HM13: variants seen among roughly 807,000 people sequenced by gnomAD.
HM13 encodes the protein signal peptide peptidase.
Under a neutral mutation model 50.0 loss-of-function variants are expected in HM13, and 18 were observed. That is an observed-to-expected ratio of 0.36 (90% CI 0.25 to 0.53). The LOEUF is 0.53. HM13 is among the 20% of genes least tolerant of loss of function. The pLI is 0.90. For synonymous variants in HM13, 197 were observed against 232.6 expected (o/e 0.85, Z 1.39); for missense variants, 393 against 552.4 (o/e 0.71, Z 2.89).
intron 2 of HM13, among the ~76,000 whole-genome samples, chr20:31,532,530 C>G (rs567357375): frequency 6.6e-6 from 1 of 151,650 alleles, no homozygotes; most frequent in Admixed American, 6.6e-5. Flanking sequence ...TTTCCCACTT[C>G]ACTCCAATAT....
Position 31,555,343 on chromosome 20 carries a change from A to G in HM13, c.808+514A>G, listed in dbSNP as rs776169867. 4.2e-4 allele frequency among the ~76,000 whole-genome samples: 64 copies of G among 152,344 alleles called. 2 individuals carry two copies. The highest frequency in any genetic ancestry group is 6.6e-4 in the Non-Finnish European group (45 of 68,030). Reference sequence around the variant, plus strand: ...CTGTCTGCACTCTCAGCAGAGGAGCATGTGCGTGCACACCTGCTTATCTGC... The same window carrying G: ...CTGTCTGCACTCTCAGCAGAGGAGCGTGTGCGTGCACACCTGCTTATCTGC... On this transcript the variant is annotated intron_variant, in intron 8 of 12. Transcript: ENST00000398174.
chr20:31,541,723 T>C (rs1274994888), intron 3 of HM13: 2 of 152,260 alleles, frequency 1.3e-5, no homozygotes, highest in Non-Finnish European at 2.9e-5. Flanking sequence ...TAAATGGATG[T>C]TTCAATTAAA....
At chr20:31,565,611 G>A (rs1984866613) in intron 10 of HM13, among the ~76,000 whole-genome samples, 1 of 152,160 alleles carries the variant, frequency 6.6e-6, no homozygotes, top group Admixed American at 6.5e-5. Context: ...TGACTTCCTG[G>A]GAAGGCTAAG....
At chr20:31,550,392 C>G in intron 7 of HM13, 1 of 452,888 alleles carries the variant, frequency 2.2e-6, no homozygotes, top group South Asian at 2.8e-5. Flanking sequence ...TTTAACCCAG[C>G]CCGGGGGGCA....
chr20:31,567,089 CG>C (rs1411852733), intron 11 of HM13, among the ~76,000 whole-genome samples: 4 of 152,148 alleles, frequency 2.6e-5, no homozygotes, highest in Non-Finnish European at 4.4e-5. Context: ...ACCCCTCCCC[CG>C]GACCTGCCTC....
chr20:31,566,634 T>A (rs909407831), intron 11 of HM13, among the ~76,000 whole-genome samples: 14 of 152,066 alleles, frequency 9.2e-5, no homozygotes, highest in Non-Finnish European at 2.1e-4. Flanking sequence ...TTCAGGCATG[T>A]CTTCCCCTCC....
chr20:31,546,957 G>C (rs1983758254), intron 4 of HM13, among the ~76,000 whole-genome samples: 1 of 151,982 alleles, frequency 6.6e-6, no homozygotes, highest in Admixed American at 6.6e-5. Flanking sequence ...AAAAGGCTAG[G>C]CTTATACCAC....
intron 1 of HM13, among the ~76,000 whole-genome samples, chr20:31,515,324 T>TA (rs1477794687): frequency 1.3e-5 from 2 of 152,208 alleles, no homozygotes; most frequent in African/African-American, 2.4e-5. Flanking sequence ...AATGATCTCT[T>TA]AGAGCCCAGT....
At chr20:31,531,165 C>T (rs557610619) in intron 2 of HM13, among the ~76,000 whole-genome samples, 1 of 152,140 alleles carries the variant, frequency 6.6e-6, no homozygotes, top group African/African-American at 2.4e-5. Flanking sequence ...CTGCCTCAGC[C>T]TCCCAAGTAG....
chr20:31,529,777 G>A lies in HM13; in HGVS notation c.282+2195G>A, dbSNP rs140234444. Among the ~76,000 whole-genome samples, 17 of 152,106 alleles carry A rather than the reference G, an allele frequency of 1.1e-4. No homozygotes were observed. In the East Asian group the frequency reaches 3.3e-3, roughly 29 times the overall value. Reference sequence around the variant, plus strand: ...ACAAAAACTACAAAAATCCATCCTGGCCAACGTGGTGAAACCCGGTCTCTA... The same window carrying A: ...ACAAAAACTACAAAAATCCATCCTGACCAACGTGGTGAAACCCGGTCTCTA... On this transcript the variant is annotated intron_variant, in intron 2 of 12. Coordinates refer to ENST00000398174, the MANE Select transcript of HM13 (RefSeq NM_178581.3).
At chr20:31,534,734 A>G (rs1983013468) in intron 2 of HM13, among the ~76,000 whole-genome samples, 1 of 151,720 alleles carries the variant, frequency 6.6e-6, no homozygotes, top group Admixed American at 6.6e-5. Flanking sequence ...GTGAGCCAAA[A>G]TCAGGCCACT....
intron 7 of HM13, 62 bp from the exon 8 acceptor site, chr20:31,554,681 CAAA>C (rs375749810): frequency 5.5e-4 from 644 of 1,177,842 alleles, no homozygotes; most frequent in Non-Finnish European, 5.9e-4. Flanking sequence ...GACTCCGTCT[CAAA>C]AAAAAAAAAA....
chr20:31,559,590 A>C (rs1330638462), intron 8 of HM13, 21 bp from the exon 9 acceptor site: 1 of 1,613,742 alleles, frequency 6.2e-7, no homozygotes, highest in Non-Finnish European at 8.5e-7. Flanking sequence ...GCCACTCTCT[A>C]ACCCCAGCTT....
intron 1 of HM13, among the ~76,000 whole-genome samples, chr20:31,518,325 G>A (rs548791647): frequency 1.4e-3 from 213 of 148,756 alleles, no homozygotes; most frequent in Admixed American, 4.9e-3. Flanking sequence ...ATGAGCCACC[G>A]CGCCCAGCAA....
At chr20:31,518,963 A>C (rs778077561) in intron 1 of HM13, among the ~76,000 whole-genome samples, 3 of 152,128 alleles carry the variant, frequency 2.0e-5, no homozygotes, top group Non-Finnish European at 4.4e-5. Flanking sequence ...AAAGGGGTGC[A>C]CAGTGAAAGT....
chr20:31,531,561 T>A (rs1600629876), intron 2 of HM13, among the ~76,000 whole-genome samples: 2 of 152,128 alleles, frequency 1.3e-5, no homozygotes, highest in East Asian at 3.9e-4. Flanking sequence ...TACATCCAGC[T>A]ATAAATCCTC....
chr20:31,546,476 C>T (rs537518772), intron 4 of HM13, among the ~76,000 whole-genome samples: 3 of 151,858 alleles, frequency 2.0e-5, no homozygotes, highest in Admixed American at 1.3e-4. Context: ...TGAGCTTGGG[C>T]CAGGTGAGAT....
chr20:31,561,525 G>A, intron 9 of HM13, 109 bp from the exon 10 acceptor site: 1 of 757,118 alleles, frequency 1.3e-6, no homozygotes, highest in Non-Finnish European at 2.4e-6. Flanking sequence ...CCAGAGCTCA[G>A]TCACCCCCCC....
At chr20:31,553,467 T>C (rs370041263) in intron 7 of HM13, among the ~76,000 whole-genome samples, 8 of 152,100 alleles carry the variant, frequency 5.3e-5, no homozygotes, top group African/African-American at 1.9e-4. Context: ...AGGTAGCAGT[T>C]AACTGTGTAC....
Sources: allele counts gnomAD v4.1 joint callset (sites outside exome capture counted in the v4.1 genomes callset), GRCh38; gene constraint gnomAD v4.1.1; transcripts MANE v1.5; gene names NCBI Gene and HGNC (gene_info 2026-07-23, HGNC 2026-07-21).